Variants in SLF2 observed in about 807,000 individuals in gnomAD.
SLF2 encodes the protein SMC5/6 complex localization factor 2, also known as SMC5-SMC6 complex localization factor protein 2.
A neutral mutation model predicts 124.3 loss-of-function variants in SLF2; 68 were observed. The observed-to-expected ratio is 0.55, with a 90% CI of 0.45 to 0.67. SLF2 has a LOEUF of 0.67. SLF2 is among the 30% of genes least tolerant of loss of function. The pLI, the probability that SLF2 is intolerant of heterozygous loss-of-function variation, is 0.00. For synonymous variants in SLF2, 480 were observed against 478.8 expected, an observed-to-expected ratio of 1.00 and a Z score of -0.03; for missense variants, 1,246 against 1,373.7, an observed-to-expected ratio of 0.91 and a Z score of 1.47.
At chr10:100,959,638 A>G (rs1850393200) in intron 19 of SLF2, 142 bp downstream of exon 19, 1 of 1,314,842 alleles carries the variant, frequency 7.6e-7, no homozygotes, top group South Asian at 2.5e-5. Flanking sequence ...AGTATAATAC[A>G]TGGTTTGTAA....
chr10:100,950,216 T>G lies in SLF2; in HGVS notation c.3252+9T>G. On this transcript the variant is annotated intron_variant, in intron 16 of 19. Transcript: ENST00000238961. ...TAGAACTTGAAAAGCAGGTATCCAGTGCTAGAAGGTCTCAAAGAGTACATA... is the reference window on the plus strand; with the variant it reads ...TAGAACTTGAAAAGCAGGTATCCAGGGCTAGAAGGTCTCAAAGAGTACATA... The G allele has an allele frequency of 6.2e-7, 1 of 1,611,796 alleles. No homozygotes were observed.
intron 17 of SLF2, among the ~76,000 whole-genome samples, chr10:100,954,093 C>A (rs200558657): frequency 1.2e-4 from 18 of 145,098 alleles, no homozygotes; most frequent in East Asian, 2.1e-4. Context: ...GCCATCTTTA[C>A]AAAAAAAAAA....
chr10:100,921,546 G>A (rs543743393), intron 4 of SLF2, among the ~76,000 whole-genome samples: 1 of 152,176 alleles, frequency 6.6e-6, no homozygotes, highest in African/African-American at 2.4e-5. Context: ...GACCTGAAGA[G>A]CTTGCTAAAG....
chr10:100,947,093 C>G lies in SLF2; in HGVS notation c.2989C>G (p.Leu997Val). The G allele has an allele frequency of 6.2e-7, 1 of 1,610,400 alleles. No individual in the cohort carries two copies. The highest frequency in any genetic ancestry group is 8.5e-7 in the Non-Finnish European group (1 of 1,178,638). Residue 997 changes from leucine to valine, a missense_variant, in exon 14 of 20, where the codon CTG (leucine) becomes GTG (valine). By Grantham distance (32) the Leu-to-Val change is conservative (BLOSUM62 1). This residue lies in a region of SLF2 where 535 missense variants were observed against 632.8 expected (regional missense o/e 0.85). Coordinates refer to ENST00000238961, the MANE Select transcript of SLF2 (RefSeq NM_018121.4). Reference sequence around the variant, plus strand: ...ACTCTCCAGTCATCCCCACAACCTCCTGTGGTTGGTACAGCTGGTCCCTAA... The same window carrying G: ...ACTCTCCAGTCATCCCCACAACCTCGTGTGGTTGGTACAGCTGGTCCCTAA... ...NELSSHPHNL[L>V]WLVQLVPNWT...
chr10:100,943,904 C>T, intron 11 of SLF2, 122 bp from the exon 12 acceptor site: 1 of 598,252 alleles, frequency 1.7e-6, no homozygotes, highest in Non-Finnish European at 2.9e-6. Flanking sequence ...GGGTACATTC[C>T]TTTTATTGTA....
intron 6 of SLF2, among the ~76,000 whole-genome samples, chr10:100,928,045 CCACA>C (rs1214543662): frequency 3.2e-3 from 42 of 13,228 alleles, no homozygotes; most frequent in Non-Finnish European, 3.8e-3. Context: ...CCCCCCCCCC[CCACA>C]CACACACACA....
At chr10:100,932,952 G>A (rs930085438) in intron 9 of SLF2, among the ~76,000 whole-genome samples, 1 of 152,052 alleles carries the variant, frequency 6.6e-6, no homozygotes, top group African/African-American at 2.4e-5. Context: ...AAGATACGTG[G>A]ACACATGCTC....
In SLF2 at chr10:100,913,565, A is replaced by T. The variant is rs1163264458; in HGVS notation, c.140+315A>T. ...ACCCGGGACCCTAACTGCTTAATGC[A>T]TATTTAGATCGTTTTCTGTACGTTG... On this transcript the variant is annotated intron_variant, in intron 1 of 19. Transcript: ENST00000238961. 2.5e-6 allele frequency: 3 copies of T among 1,211,280 alleles called. No homozygotes were observed. In the East Asian group the frequency reaches 1.0e-4, roughly 42 times the overall value. 75.0% of individuals were successfully genotyped at this position (1,211,280 alleles called of 1,614,324 possible).
At position 100,916,914 on chromosome 10, in the gene SLF2, CTAT is replaced by C; in HGVS notation, c.531_533del (p.Phe178del). The C allele has an allele frequency of 1.2e-6, 2 of 1,614,160 alleles. No individual in the cohort carries two copies. Among genetic ancestry groups the C allele is most frequent in the Non-Finnish European group, 1.7e-6 (2 of 1,180,042 alleles). On this transcript the variant is annotated inframe_deletion, in exon 3 of 20. Transcript: ENST00000238961. ...TCGATCCCCAGAGAGAAGGAAGTCA[CTAT>C]TCATTCATGAAAATAATGAGAAGAA...
chr10:100,941,941 T>C (rs1046887650), intron 11 of SLF2, among the ~76,000 whole-genome samples: 5 of 152,198 alleles, frequency 3.3e-5, no homozygotes, highest in African/African-American at 4.8e-5. Context: ...GCTGTGGAAG[T>C]ATCTCCAAGA....
At chr10:100,926,213 C>T in intron 6 of SLF2, 194 bp downstream of exon 6, 11 of 1,543,856 alleles carry the variant, frequency 7.1e-6, no homozygotes, top group Non-Finnish European at 9.6e-6. Context: ...TTGGGAGACC[C>T]AGGCAAGATT....
At chr10:100,923,828 CTT>C (rs576134915) in intron 4 of SLF2, 145 bp from the exon 5 acceptor site, 3 of 534,968 alleles carry the variant, frequency 5.6e-6, no homozygotes, top group African/African-American at 2.0e-5. Context: ...ATAAGTAACT[CTT>C]TTTCTGCATT....
intron 11 of SLF2, among the ~76,000 whole-genome samples, chr10:100,941,705 A>G (rs1849985337): frequency 6.6e-6 from 1 of 152,112 alleles, no homozygotes; most frequent in South Asian, 2.1e-4. Context: ...TCCACACCAT[A>G]ATGACTAGCC....
intron 17 of SLF2, among the ~76,000 whole-genome samples, chr10:100,951,791 G>A (rs553610673): frequency 6.6e-6 from 1 of 152,264 alleles, no homozygotes; most frequent in South Asian, 2.1e-4. Context: ...AATAACATTT[G>A]CCTTCAAAAT....
rs751722891 is a variant in SLF2, at chr10:100,916,564, A to G, written c.185-6A>G. ...CAATTTGTATGTGTTTTAATTGGCT[A>G]TTTAGACAGACACATGTTGGATTCA... On this transcript the variant is annotated splice_region_variant and splice_polypyrimidine_tract_variant and intron_variant, in intron 2 of 19. Transcript: ENST00000238961. 7 of 1,343,790 alleles carry G rather than the reference A, an allele frequency of 5.2e-6. No homozygotes were observed. The highest frequency in any genetic ancestry group is 5.8e-6 in the Non-Finnish European group (6 of 1,040,168). The allele number at this position is 1,343,790 out of a possible 1,614,324, so 83.2% of individuals were successfully genotyped here.
intron 13 of SLF2, among the ~76,000 whole-genome samples, chr10:100,946,643 A>G (rs1850110476): frequency 1.3e-5 from 2 of 152,032 alleles, no homozygotes; most frequent in Non-Finnish European, 2.9e-5. Flanking sequence ...TAGGCTTTTA[A>G]AAATACTGGA....
At position 100,935,209 on chromosome 10, in the gene SLF2, C is replaced by A. The variant is rs141483238; in HGVS notation, c.2437-2193C>A. Among the ~76,000 whole-genome samples, 1,117 of 152,074 alleles carry A rather than the reference C, an allele frequency of 7.3e-3. 23 individuals carry two copies. Among genetic ancestry groups the A allele is most frequent in the African/African-American group, 0.026 (1,078 of 41,470 alleles). On this transcript the variant is annotated intron_variant, in intron 9 of 19. Coordinates refer to ENST00000238961, the MANE Select transcript of SLF2 (RefSeq NM_018121.4). ...AGGAGTTTGAGACCACCCTAGCCAA[C>A]ATAGTGAAACCCAGTCTTTACTAAA...
intron 8 of SLF2, 51 bp from the exon 9 acceptor site, chr10:100,930,925 G>A: frequency 7.4e-7 from 1 of 1,353,224 alleles, no homozygotes. Flanking sequence ...GATAGTAGAA[G>A]TATTTTGCCA....
intron 12 of SLF2, 68 bp downstream of exon 12, chr10:100,944,196 T>A (rs1315808350): frequency 1.2e-4 from 100 of 839,562 alleles, no homozygotes; most frequent in East Asian, 1.9e-4. Flanking sequence ...TAATGGTTTT[T>A]AAAAAAAAAA....
Sources: gnomAD v4.1 joint callset for allele counts (sites outside exome capture counted in the v4.1 genomes callset) on GRCh38, gnomAD v4.1.1 for gene constraint, gnomAD v4.1.1 regional missense constraint, MANE v1.5 for transcripts, NCBI Gene and HGNC (gene_info 2026-07-23, HGNC 2026-07-21) for gene names.